The following NFYC variants were observed in gnomAD, a reference collection of about 807,000 sequenced individuals.
NFYC encodes CAAT box DNA-binding protein subunit C.
In NFYC, 25 loss-of-function variants were observed where a neutral mutation model predicts 53.1. The ratio of observed to expected loss-of-function variants is 0.47; its 90% CI spans 0.34 to 0.66. The LOEUF is 0.66. Ranked by LOEUF, NFYC falls within the 30% of genes least tolerant of loss-of-function variation. NFYC has a pLI of 0.01. For synonymous variants in NFYC, 145 were observed against 152.6 expected (o/e 0.95, Z 0.37); for missense variants, 260 against 422.7 (o/e 0.62, Z 3.38).
At chr1:40,737,431 C>T (rs574138400) in intron 1 of NFYC, among the ~76,000 whole-genome samples, 14 of 151,120 alleles carry the variant, frequency 9.3e-5, no homozygotes, top group Admixed American at 2.0e-4. Flanking sequence ...TGGGTTCAAG[C>T]GATTCTCCTG....
chr1:40,738,778 G>A (rs1021506642), intron 1 of NFYC, 58 bp from the exon 2 acceptor site: 1 of 1,265,054 alleles, frequency 7.9e-7, no homozygotes, highest in Non-Finnish European at 1.1e-6. Context: ...TGCCTAATCT[G>A]GACAGAAAGT....
chr1:40,710,757 G>GC (rs1643903227), intron 1 of NFYC, among the ~76,000 whole-genome samples: 1 of 152,152 alleles, frequency 6.6e-6, no homozygotes, highest in Admixed American at 6.5e-5. Flanking sequence ...GGACTGATAG[G>GC]ATTTAGATTC....
chr1:40,759,267 G>T (rs549870911), intron 6 of NFYC, among the ~76,000 whole-genome samples: 103 of 152,002 alleles, frequency 6.8e-4, no homozygotes, highest in African/African-American at 2.4e-3. Context: ...GCATGTGGTG[G>T]CTCATGTCTG....
At chr1:40,764,201 C>T (rs1292865437) in intron 7 of NFYC, among the ~76,000 whole-genome samples, 1 of 152,180 alleles carries the variant, frequency 6.6e-6, no homozygotes, top group Non-Finnish European at 1.5e-5. Context: ...TATTCCCTGC[C>T]CTTTGCCATT....
At chr1:40,760,580 G>T in intron 6 of NFYC, among the ~76,000 whole-genome samples, 1 of 152,028 alleles carries the variant, frequency 6.6e-6, no homozygotes. Context: ...TTAGCCGGGC[G>T]TGGTGGCGGG....
intron 1 of NFYC, among the ~76,000 whole-genome samples, chr1:40,717,626 T>C (rs1323241606): frequency 6.6e-6 from 1 of 152,224 alleles, no homozygotes. Context: ...CTAGAAATAC[T>C]TCCTTAGAAT....
intron 2 of NFYC, among the ~76,000 whole-genome samples, chr1:40,741,742 A>G (rs981442926): frequency 2.0e-5 from 3 of 151,728 alleles, no homozygotes; most frequent in Non-Finnish European, 4.4e-5. Flanking sequence ...AGCTGAGACT[A>G]CAGGTGCACG....
intron 1 of NFYC, among the ~76,000 whole-genome samples, chr1:40,719,224 C>T (rs915488924): frequency 3.3e-5 from 5 of 152,210 alleles, no homozygotes; most frequent in Non-Finnish European, 4.4e-5. Flanking sequence ...ATTTATAATC[C>T]TTGCTTACCC....
intron 4 of NFYC, among the ~76,000 whole-genome samples, chr1:40,750,820 C>T (rs192958470): frequency 1.4e-4 from 21 of 152,246 alleles, no homozygotes; most frequent in South Asian, 6.2e-4. Context: ...CATCATTAGT[C>T]ATCAGGGAAA....
intron 1 of NFYC, among the ~76,000 whole-genome samples, chr1:40,718,317 C>G (rs61781864): frequency 0.013 from 2,001 of 152,310 alleles, 25 homozygotes; most frequent in Non-Finnish European, 0.022. Flanking sequence ...GAAGGCAGAG[C>G]CTAGTGACAA....
At chr1:40,738,206 C>G (rs1381749128) in intron 1 of NFYC, among the ~76,000 whole-genome samples, 1 of 152,160 alleles carries the variant, frequency 6.6e-6, no homozygotes, top group African/African-American at 2.4e-5. Context: ...CCGGCCCTCT[C>G]TCTTTTTTTA....
intron 1 of NFYC, among the ~76,000 whole-genome samples, chr1:40,696,258 C>G (rs553349979): frequency 6.6e-6 from 1 of 152,020 alleles, no homozygotes; most frequent in Admixed American, 6.5e-5. Context: ...CTCCTGACCT[C>G]GTGATCCGCC....
intron 1 of NFYC, among the ~76,000 whole-genome samples, chr1:40,699,902 G>A (rs546878604): frequency 4.6e-5 from 7 of 152,296 alleles, no homozygotes; most frequent in Admixed American, 3.3e-4. Flanking sequence ...TTATTATTCA[G>A]AGCCTTGGTG....
intron 1 of NFYC, among the ~76,000 whole-genome samples, chr1:40,707,493 AAGAGAGAG>A (rs143837443): frequency 3.6e-5 from 5 of 140,436 alleles, no homozygotes; most frequent in Admixed American, 1.4e-4. Flanking sequence ...AAAAAAAAAA[AAGAGAGAG>A]AGAGAGAAAA....
intron 1 of NFYC, among the ~76,000 whole-genome samples, chr1:40,724,533 A>G (rs1366593257): frequency 1.3e-5 from 2 of 152,224 alleles, no homozygotes; most frequent in Non-Finnish European, 2.9e-5. Context: ...CATACAAAAT[A>G]CTGATAGTGT....
chr1:40,767,241 G>A (rs1458798134), intron 8 of NFYC: 3 of 450,986 alleles, frequency 6.7e-6, no homozygotes, highest in Non-Finnish European at 1.2e-5. Context: ...TGAGGGACAT[G>A]GGTATTACTT....
chr1:40,715,586 C>T (rs972646196), intron 1 of NFYC, among the ~76,000 whole-genome samples: 1 of 152,024 alleles, frequency 6.6e-6, no homozygotes, highest in Non-Finnish European at 1.5e-5. Context: ...TATGGGGGCC[C>T]ACCTCTTTAT....
At chr1:40,752,363 T>C (rs1645963511) in intron 4 of NFYC, among the ~76,000 whole-genome samples, 1 of 152,214 alleles carries the variant, frequency 6.6e-6, no homozygotes, top group Non-Finnish European at 1.5e-5. Flanking sequence ...TTTAAATCTT[T>C]AGTAAAGTAC....
chr1:40,736,695 A>G (rs1341936904), intron 1 of NFYC, among the ~76,000 whole-genome samples: 1 of 152,076 alleles, frequency 6.6e-6, no homozygotes, highest in African/African-American at 2.4e-5. Context: ...GAGTATCCTT[A>G]ATCTGAAAAT....
Sources: gnomAD v4.1 joint callset for allele counts (sites outside exome capture counted in the v4.1 genomes callset) on GRCh38, gnomAD v4.1.1 for gene constraint, MANE v1.5 for transcripts, NCBI Gene and HGNC (gene_info 2026-07-23, HGNC 2026-07-21) for gene names.